The following HECTD4 variants were observed in gnomAD, a reference collection of about 807,000 sequenced individuals.
HECTD4 encodes HECT domain E3 ubiquitin protein ligase 4.
HECTD4 carries 114 observed loss-of-function variants against 471.5 expected under a neutral mutation model. The observed-to-expected ratio is 0.24, with a 90% CI of 0.21 to 0.28. The LOEUF is 0.28. Among genes scored for constraint, HECTD4 ranks in the 10% least tolerant of loss-of-function variants. The probability of loss-of-function intolerance (pLI) is 1.00; values close to 1 mark genes in which losing one functional copy is unlikely to be tolerated. For missense variants in HECTD4, 3,866 were observed against 5,651.5 expected (o/e 0.68, Z 10.13); for synonymous variants, 2,012 against 2,256.0 (o/e 0.89, Z 3.07).
intron 1 of HECTD4, among the ~76,000 whole-genome samples, chr12:112,378,770 G>A (rs1265220762): frequency 6.6e-6 from 1 of 152,168 alleles, no homozygotes; most frequent in African/African-American, 2.4e-5. Flanking sequence ...CCGGCCAGAC[G>A]CTGTGGCTCA....
intron 1 of HECTD4, among the ~76,000 whole-genome samples, chr12:112,371,315 C>T (rs577360409): frequency 4.6e-5 from 7 of 152,264 alleles, no homozygotes; most frequent in Non-Finnish European, 1.0e-4. Context: ...GTGGTTCACA[C>T]CTGTAATCCC....
intron 67 of HECTD4, 129 bp downstream of exon 67, chr12:112,172,542 C>T (rs757182311): frequency 1.8e-5 from 16 of 864,874 alleles, no homozygotes; most frequent in East Asian, 1.1e-4. Flanking sequence ...GCACACCTGG[C>T]GCATAGCAGG....
chr12:112,200,807 G>A lies in HECTD4; in HGVS notation c.8407-9C>T, dbSNP rs2032399398. On this transcript the variant is annotated splice_polypyrimidine_tract_variant and intron_variant, in intron 54 of 75. Transcript: ENST00000682272. ...TGCACCAGTTCATTCACCTACAATA[G>A]GAAAAGAAAATGTCTGTTTGTGCTG... 1.2e-6 allele frequency: 2 copies of A among 1,608,028 alleles called. No individual in the cohort carries two copies. Among genetic ancestry groups the A allele is most frequent in the Non-Finnish European group, 1.7e-6 (2 of 1,175,696 alleles).
chr12:112,237,233 G>T, intron 34 of HECTD4, 135 bp from the exon 35 acceptor site: 1 of 618,752 alleles, frequency 1.6e-6, no homozygotes, highest in Non-Finnish European at 2.5e-6. Flanking sequence ...CTCCTCATTA[G>T]ATAATGTCTA....
Position 112,382,112 on chromosome 12 carries a change from G to C in HECTD4, c.17C>G (p.Ala6Gly), listed in dbSNP as rs900558947. MGSSA[A>G]AAAAAAAAAD... ...GGCCGCCGCCGCCGCCGCCGCCGCGGCCGCCGACGAGCCCATGGCCCCGGC... is the reference window on the plus strand; with the variant it reads ...GGCCGCCGCCGCCGCCGCCGCCGCGCCCGCCGACGAGCCCATGGCCCCGGC... The change falls in exon 1 of 76, where the codon GCC (alanine) becomes GGC (glycine). Residue 6 changes from alanine to glycine, a missense_variant. This residue lies in a region of HECTD4 where 440 missense variants were observed against 636.0 expected (regional missense o/e 0.69). Transcript: ENST00000682272. The C allele has an allele frequency of 8.2e-7, 1 of 1,220,874 alleles. No homozygotes were observed. The highest frequency in any genetic ancestry group is 1.6e-5 in the African/African-American group (1 of 62,422). 75.6% of individuals were successfully genotyped at this position (1,220,874 alleles called of 1,614,324 possible).
At chr12:112,275,704 CTT>C (rs1408851522) in intron 9 of HECTD4, among the ~76,000 whole-genome samples, 4 of 152,010 alleles carry the variant, frequency 2.6e-5, no homozygotes, top group East Asian at 3.8e-4. Context: ...CACTGTGTCT[CTT>C]GAGTTTTCTT....
intron 1 of HECTD4, among the ~76,000 whole-genome samples, chr12:112,337,434 G>A (rs2035978418): frequency 6.6e-6 from 1 of 152,066 alleles, no homozygotes; most frequent in Admixed American, 6.6e-5. Flanking sequence ...CAGAAAGAGA[G>A]AAACAGAAAA....
chr12:112,298,974 A>C (rs2035105588), intron 7 of HECTD4, among the ~76,000 whole-genome samples: 1 of 152,130 alleles, frequency 6.6e-6, no homozygotes, highest in Non-Finnish European at 1.5e-5. Flanking sequence ...CATTCTGTGA[A>C]AGTACCATAG....
intron 1 of HECTD4, among the ~76,000 whole-genome samples, chr12:112,354,158 G>A (rs1214177254): frequency 2.6e-5 from 4 of 151,922 alleles, no homozygotes; most frequent in Admixed American, 1.3e-4. Context: ...CCGCAGCCAC[G>A]ACCTACCAGG....
At chr12:112,210,387 G>T (rs915674878) in intron 49 of HECTD4, 135 bp from the exon 50 acceptor site, 2 of 850,636 alleles carry the variant, frequency 2.4e-6, no homozygotes, top group Non-Finnish European at 3.7e-6. Context: ...GAAACCAGGT[G>T]GGGGCTGGAG....
At chr12:112,317,630 C>G (rs1298993920) in intron 2 of HECTD4, among the ~76,000 whole-genome samples, 1 of 152,162 alleles carries the variant, frequency 6.6e-6, no homozygotes, top group East Asian at 1.9e-4. Context: ...TTCTCACAAA[C>G]AGATGCCAGT....
chr12:112,293,352 A>G (rs2034935823), intron 7 of HECTD4, among the ~76,000 whole-genome samples: 1 of 148,292 alleles, frequency 6.7e-6, no homozygotes, highest in African/African-American at 2.5e-5. Context: ...GCAACAGAGC[A>G]AGACTCTGTC....
At chr12:112,167,645 C>T (rs1345920835) in intron 71 of HECTD4, 107 bp from the exon 72 acceptor site, 28 of 1,060,106 alleles carry the variant, frequency 2.6e-5, no homozygotes, top group Admixed American at 7.1e-5. Flanking sequence ...AGAGAAGTCA[C>T]TGCAAGCTCC....
In HECTD4 at chr12:112,184,662, G is replaced by A. The variant is rs1260018219; in HGVS notation, c.10304C>T (p.Pro3435Leu). 3.1e-6 allele frequency: 5 copies of A among 1,613,840 alleles called. No homozygotes were observed. The highest frequency in any genetic ancestry group is 2.5e-6 in the Non-Finnish European group (3 of 1,179,862). Residue 3435 changes from proline to leucine, a missense_variant, in exon 61 of 76, where the codon CCG becomes CTG. This residue lies in a region of HECTD4 where 71 missense variants were observed against 144.5 expected (regional missense o/e 0.49). Coordinates refer to ENST00000682272, the MANE Select transcript of HECTD4 (RefSeq NM_001388303.1). The surrounding 1 kb of genome is among the most constrained non-coding windows in gnomAD (Gnocchi z 9.1). ...GGVFKDEIYIPLQEEDTKKPK... is the reference protein window; with the variant it reads ...GGVFKDEIYILLQEEDTKKPK... ...CTTCTTGGTGTCTTCTTCCTGCAGCGGGATGTAGATCTCGTCTTTGAAGAC... is the reference window on the plus strand; with the variant it reads ...CTTCTTGGTGTCTTCTTCCTGCAGCAGGATGTAGATCTCGTCTTTGAAGAC...
At chr12:112,313,260 T>C (rs1388993383) in intron 3 of HECTD4, 113 bp from the exon 4 acceptor site, 1 of 598,960 alleles carries the variant, frequency 1.7e-6, no homozygotes, top group East Asian at 3.1e-5. Context: ...AGATGTATAA[T>C]ATTTTATACA....
intron 37 of HECTD4, among the ~76,000 whole-genome samples, chr12:112,234,560 G>A (rs553685020): frequency 6.6e-6 from 1 of 152,282 alleles, no homozygotes; most frequent in Admixed American, 6.5e-5. Flanking sequence ...AAGCCCTGCA[G>A]GTTTGTAATA....
At chr12:112,216,458 G>T in intron 47 of HECTD4, 87 bp from the exon 48 acceptor site, 6 of 887,312 alleles carry the variant, frequency 6.8e-6, no homozygotes, top group Non-Finnish European at 1.1e-5. Context: ...GTGAAGTGGA[G>T]GGGGGGTGGT....
chr12:112,256,483 G>A lies in HECTD4; in HGVS notation c.3164C>T (p.Thr1055Ile), dbSNP rs2034012082. The A allele has an allele frequency of 6.3e-7, 1 of 1,599,466 alleles. No homozygotes were observed. The highest frequency in any genetic ancestry group is 1.4e-5 in the African/African-American group (1 of 74,026). The change falls in exon 21 of 76, where the codon ACT (threonine) becomes ATT (isoleucine). Residue 1055 changes from threonine (T) to isoleucine (I), a missense_variant. By Grantham distance (89) the Thr-to-Ile change is moderately conservative. This residue lies in a region of HECTD4 where 525 missense variants were observed against 672.6 expected (regional missense o/e 0.78). Transcript: ENST00000682272. Reference protein sequence around the residue: ...LEEKEEPGFLTGLKIPAPWAA... With the variant: ...LEEKEEPGFLIGLKIPAPWAA... ...CCATGGGGCAGGAATCTTTAAACCA[G>A]TGAGAAATCCTGGCTCTTCCTTCTC...
chr12:112,191,501 A>G (rs953689286), intron 59 of HECTD4, among the ~76,000 whole-genome samples: 2 of 152,166 alleles, frequency 1.3e-5, no homozygotes, highest in African/African-American at 4.8e-5. Flanking sequence ...AGTGAGAGGA[A>G]GAAGGTCCAA....
Sources: gnomAD v4.1 joint callset for allele counts (sites outside exome capture counted in the v4.1 genomes callset) on GRCh38, gnomAD v4.1.1 for gene constraint, gnomAD v4.1.1 regional missense constraint, Gnocchi (gnomAD v3.1) non-coding constraint, MANE v1.5 for transcripts, NCBI Gene and HGNC (gene_info 2026-07-23, HGNC 2026-07-21) for gene names.